The following DDI2 variants were observed in gnomAD, a reference collection of about 807,000 sequenced individuals.
DDI2 encodes the protein protein DDI1 homolog 2.
DDI2 carries 5 observed loss-of-function variants against 48.1 expected under a neutral mutation model. The observed-to-expected ratio is 0.10, with a 90% CI of 0.05 to 0.22. The LOEUF is 0.22. Among genes scored for constraint, DDI2 ranks in the 10% least tolerant of loss-of-function variants. The pLI is 1.00. For synonymous variants in DDI2, 205 were observed against 183.6 expected (o/e 1.12, Z -0.94); for missense variants, 285 against 506.2 (o/e 0.56, Z 4.19).
At position 15,661,437 on chromosome 1, in the gene DDI2, C is replaced by T. The variant is rs1640376510; in HGVS notation, c.*1647C>T. The stretch of plus-strand genomic sequence containing the variant: ...CATCCAATTTCATATTGGTTAAAGA[C>T]TTAGGTCAGGGCATACAGAATTCAG... On this transcript the variant is annotated 3_prime_UTR_variant, in exon 10 of 10. Coordinates refer to ENST00000480945, the MANE Select transcript of DDI2 (RefSeq NM_032341.5). The T allele has an allele frequency of 1.2e-6, 2 of 1,613,954 alleles. No individual in the cohort carries two copies. Among genetic ancestry groups the T allele is most frequent in the Admixed American group, 3.3e-5 (2 of 59,968 alleles).
intron 6 of DDI2, among the ~76,000 whole-genome samples, chr1:15,648,834 CAA>C (rs36082177): frequency 6.6e-4 from 63 of 95,928 alleles, no homozygotes; most frequent in Middle Eastern, 5.9e-3. Flanking sequence ...GACCCTGTCT[CAA>C]AAAAAAAAAA....
At chr1:15,635,496 C>G (rs944360235) in intron 4 of DDI2, among the ~76,000 whole-genome samples, 14 of 152,278 alleles carry the variant, frequency 9.2e-5, no homozygotes, top group African/African-American at 3.4e-4. Flanking sequence ...GCCTCCGCCT[C>G]CCAAGTTCAA....
At chr1:15,627,918 C>T (rs1015433125) in intron 2 of DDI2, among the ~76,000 whole-genome samples, 1 of 152,116 alleles carries the variant, frequency 6.6e-6, no homozygotes, top group Non-Finnish European at 1.5e-5. Context: ...ACATTAGTCC[C>T]TTGGGGCCAC....
At chr1:15,646,680 T>C (rs948477353) in intron 6 of DDI2, among the ~76,000 whole-genome samples, 1 of 151,616 alleles carries the variant, frequency 6.6e-6, no homozygotes, top group South Asian at 2.1e-4. Context: ...AGAGTGAAAC[T>C]CCATCTCTAA....
intron 7 of DDI2, among the ~76,000 whole-genome samples, 167 bp downstream of exon 7, chr1:15,649,990 G>A (rs138228231): frequency 9.3e-4 from 141 of 152,272 alleles, no homozygotes; most frequent in African/African-American, 3.1e-3. Flanking sequence ...ATGATGTGTC[G>A]ATATAGATAG....
At chr1:15,630,012 G>T (rs865905454) in intron 2 of DDI2, among the ~76,000 whole-genome samples, 4 of 152,218 alleles carry the variant, frequency 2.6e-5, no homozygotes, top group South Asian at 2.1e-4. Context: ...GATTACAGGT[G>T]TGAGCCACCA....
Position 15,643,621 on chromosome 1 carries a change from C to T in DDI2, c.860C>T (p.Thr287Ile), listed in dbSNP as rs938357515. 1.2e-6 allele frequency: 2 copies of T among 1,614,072 alleles called. No individual in the cohort carries two copies. The highest frequency in any genetic ancestry group is 1.7e-6 in the Non-Finnish European group (2 of 1,180,000). The change falls in exon 6 of 10, where the codon ACC (threonine) becomes ATC (isoleucine). Residue 287 changes from threonine to isoleucine, a missense_variant. Thr to Ile is a moderately conservative substitution (Grantham distance 89). Coordinates refer to ENST00000480945, the MANE Select transcript of DDI2 (RefSeq NM_032341.5). ...GCAGGGATTGCCAAAGGAGTGGGCA[C>T]CCAGAAGATTATTGGAAGGGTACAT... ...RWAGIAKGVGTQKIIGRVHLA... is the reference protein window; with the variant it reads ...RWAGIAKGVGIQKIIGRVHLA...
At chr1:15,652,582 G>A (rs1196864182) in intron 8 of DDI2, among the ~76,000 whole-genome samples, 1 of 151,738 alleles carries the variant, frequency 6.6e-6, no homozygotes, top group African/African-American at 2.4e-5. Context: ...CCAGCACTTT[G>A]GGAGGCTGAG....
At chr1:15,654,190 G>A (rs1190670395) in intron 8 of DDI2, among the ~76,000 whole-genome samples, 2 of 152,216 alleles carry the variant, frequency 1.3e-5, no homozygotes, top group Non-Finnish European at 1.5e-5. Context: ...AAAGACGAAA[G>A]TGGTAAGAGT....
chr1:15,658,934 TAATG>T (rs1272255101), intron 9 of DDI2, among the ~76,000 whole-genome samples: 1 of 152,170 alleles, frequency 6.6e-6, no homozygotes, highest in African/African-American at 2.4e-5. Flanking sequence ...GAAAAACTAT[TAATG>T]AACCATCTCC....
At chr1:15,647,499 T>C (rs1375850023) in intron 6 of DDI2, among the ~76,000 whole-genome samples, 1 of 152,092 alleles carries the variant, frequency 6.6e-6, no homozygotes, top group Non-Finnish European at 1.5e-5. Flanking sequence ...CACATTTTGA[T>C]TTTTTCCCCC....
chr1:15,626,711 T>C lies in DDI2; in HGVS notation c.181T>C (p.Leu61=), dbSNP rs761074524. 5 of 1,614,074 alleles carry C rather than the reference T, an allele frequency of 3.1e-6. No individual in the cohort carries two copies. The highest frequency in any genetic ancestry group is 2.2e-5 in the South Asian group (2 of 91,088). ...ERPLTDNHRS[L]ASYGLKDGDV... The stretch of plus-strand genomic sequence containing the variant: ...ACCTCTCACAGACAACCACAGATCA[T>C]TGGCTTCTTATGGCTTGAAAGATGG... Residue 61 remains leucine, a synonymous_variant, in exon 2 of 10, where the codon TTG becomes CTG. Coordinates refer to ENST00000480945, the MANE Select transcript of DDI2 (RefSeq NM_032341.5).
Position 15,661,655 on chromosome 1 carries a change from G to A in DDI2, c.*1865G>A, listed in dbSNP as rs756714034. Reference sequence around the variant, plus strand: ...CAGGAAGCTCTTGGAGCTTTGCATCGAGTTGGTGGGAATGCAGACCTTGCA... The same window carrying A: ...CAGGAAGCTCTTGGAGCTTTGCATCAAGTTGGTGGGAATGCAGACCTTGCA... On this transcript the variant is annotated 3_prime_UTR_variant, in exon 10 of 10. Coordinates refer to ENST00000480945, the MANE Select transcript of DDI2 (RefSeq NM_032341.5). 34 of 1,614,112 alleles carry A rather than the reference G, an allele frequency of 2.1e-5. No homozygotes were observed. The highest frequency in any genetic ancestry group is 2.8e-5 in the Non-Finnish European group (33 of 1,180,020).
intron 6 of DDI2, among the ~76,000 whole-genome samples, chr1:15,648,313 G>A (rs890792554): frequency 3.9e-5 from 6 of 152,142 alleles, no homozygotes; most frequent in African/African-American, 7.2e-5. Context: ...TTTTACAACC[G>A]TGGCTATGAT....
Position 15,668,922 on chromosome 1 carries a change from A to G in DDI2, c.*9132A>G, listed in dbSNP as rs1325361766. On this transcript the variant is annotated 3_prime_UTR_variant, in exon 10 of 10. Transcript: ENST00000480945. ...GAATTTTTGTCACATACTGAAATGT[A>G]AGTCAGCCCTAAATAATCAAAACAC... is the stretch of plus-strand genomic sequence containing the variant. 6.6e-6 allele frequency: 1 copy of G among 152,270 alleles called. No homozygotes were observed. Among genetic ancestry groups the G allele is most frequent in the Non-Finnish European group, 1.5e-5 (1 of 68,052 alleles). The allele number at this position is 152,270 out of a possible 1,614,324, so 9.4% of individuals were successfully genotyped here.
intron 7 of DDI2, among the ~76,000 whole-genome samples, chr1:15,650,919 A>G (rs532739425): frequency 7.9e-5 from 12 of 152,104 alleles, no homozygotes; most frequent in South Asian, 4.2e-4. Context: ...CAGTGGTGCA[A>G]TCTTGGCTAA....
At position 15,660,976 on chromosome 1, in the gene DDI2, G is replaced by A. The variant is rs1640364810; in HGVS notation, c.*1186G>A. On this transcript the variant is annotated 3_prime_UTR_variant, in exon 10 of 10. Coordinates refer to ENST00000480945, the MANE Select transcript of DDI2 (RefSeq NM_032341.5). ...ACTTTTGGTTGTTAGCAGTAAACCA[G>A]CTTCAGAAAATACATCTGAAGAAGT... 1 of 1,613,926 alleles carries A rather than the reference G, an allele frequency of 6.2e-7. No homozygotes were observed. The highest frequency in any genetic ancestry group is 8.5e-7 in the Non-Finnish European group (1 of 1,179,946).
At chr1:15,626,985 G>A (rs1639764547) in intron 2 of DDI2, 187 bp downstream of exon 2, 5 of 711,298 alleles carry the variant, frequency 7.0e-6, no homozygotes, top group Non-Finnish European at 1.1e-5. Context: ...TCTTCTATAA[G>A]TTAGGTGCCA....
intron 8 of DDI2, 92 bp downstream of exon 8, chr1:15,651,987 TTTAA>T (rs1476770156): frequency 7.6e-7 from 1 of 1,320,040 alleles, no homozygotes; most frequent in Non-Finnish European, 1.0e-6. Flanking sequence ...CTTTCCAGTT[TTTAA>T]TTAGTCTCAT....
Sources: allele counts gnomAD v4.1 joint callset (sites outside exome capture counted in the v4.1 genomes callset), GRCh38; gene constraint gnomAD v4.1.1; transcripts MANE v1.5; gene names NCBI Gene and HGNC (gene_info 2026-07-23, HGNC 2026-07-21).